The following EXOC6B variants were observed in gnomAD, a reference collection of about 807,000 sequenced individuals.
The protein encoded by EXOC6B is SEC15 homolog B.
Under a neutral mutation model 113.5 loss-of-function variants are expected in EXOC6B, and 54 were observed. The observed-to-expected ratio is 0.48, with a 90% CI of 0.38 to 0.60. EXOC6B has a LOEUF of 0.60. EXOC6B is among the 20% of genes least tolerant of loss of function. The probability of loss-of-function intolerance (pLI) is 0.00; values close to 1 mark genes in which losing one functional copy is unlikely to be tolerated. For synonymous variants in EXOC6B, 357 were observed against 339.0 expected (o/e 1.05, Z -0.58); for missense variants, 797 against 977.5 (o/e 0.82, Z 2.46).
At chr2:72,579,496 T>A (rs1705070149) in intron 6 of EXOC6B, among the ~76,000 whole-genome samples, 1 of 152,152 alleles carries the variant, frequency 6.6e-6, no homozygotes, top group Non-Finnish European at 1.5e-5. Context: ...TTTGGCCCAA[T>A]AAAAACTTAT....
chr2:72,736,593 G>A (rs1185747366), intron 2 of EXOC6B, among the ~76,000 whole-genome samples: 1 of 152,130 alleles, frequency 6.6e-6, no homozygotes, highest in Non-Finnish European at 1.5e-5. Context: ...TCAGCAAGTT[G>A]AAGGAATTTG....
intron 11 of EXOC6B, among the ~76,000 whole-genome samples, chr2:72,506,558 T>A (rs1700607743): frequency 6.6e-6 from 1 of 152,166 alleles, no homozygotes; most frequent in East Asian, 1.9e-4. Context: ...TTCCTTACTA[T>A]CCTTATTAAG....
intron 11 of EXOC6B, 115 bp downstream of exon 11, chr2:72,513,017 A>C (rs930086088): frequency 1.6e-6 from 2 of 1,229,930 alleles, no homozygotes. Flanking sequence ...AAGGACATCT[A>C]TAGCTCCAAG....
intron 8 of EXOC6B, among the ~76,000 whole-genome samples, chr2:72,536,406 G>C (rs539892198): frequency 1.3e-5 from 2 of 152,148 alleles, no homozygotes; most frequent in East Asian, 3.9e-4. Flanking sequence ...TACCATATTT[G>C]AATATTGTTT....
At chr2:72,327,656 T>G (rs1465620661) in intron 20 of EXOC6B, among the ~76,000 whole-genome samples, 1 of 152,118 alleles carries the variant, frequency 6.6e-6, no homozygotes, top group Non-Finnish European at 1.5e-5. Context: ...GGTCCTGGTC[T>G]GCCAAATATG....
chr2:72,753,761 A>C (rs1682210702), intron 1 of EXOC6B, among the ~76,000 whole-genome samples: 1 of 152,060 alleles, frequency 6.6e-6, no homozygotes, highest in African/African-American at 2.4e-5. Flanking sequence ...ACTCTACTTG[A>C]AGTTCCTTGA....
intron 6 of EXOC6B, among the ~76,000 whole-genome samples, chr2:72,661,094 C>G (rs1477311911): frequency 1.3e-5 from 2 of 151,850 alleles, no homozygotes; most frequent in African/African-American, 2.4e-5. Flanking sequence ...ACCTTTCTCC[C>G]CACTCTGGAG....
intron 21 of EXOC6B, among the ~76,000 whole-genome samples, chr2:72,180,873 C>T (rs534057206): frequency 1.3e-5 from 2 of 152,320 alleles, no homozygotes; most frequent in South Asian, 4.1e-4. Context: ...ATGAGCACCA[C>T]AGCTGTATGG....
chr2:72,303,002 A>G (rs558426586), intron 20 of EXOC6B, among the ~76,000 whole-genome samples: 1 of 152,270 alleles, frequency 6.6e-6, no homozygotes, highest in East Asian at 1.9e-4. Flanking sequence ...GATCTCTTAT[A>G]AAGTGGGTCT....
chr2:72,794,299 A>G (rs958766621), intron 1 of EXOC6B, among the ~76,000 whole-genome samples: 1 of 152,174 alleles, frequency 6.6e-6, no homozygotes, highest in African/African-American at 2.4e-5. Context: ...GGATCTCTTA[A>G]CACAGTATCA....
intron 5 of EXOC6B, among the ~76,000 whole-genome samples, chr2:72,724,392 G>A (rs936310703): frequency 6.6e-6 from 1 of 152,084 alleles, no homozygotes; most frequent in Non-Finnish European, 1.5e-5. Context: ...TGGAATAAAG[G>A]TGGGCCTTTA....
intron 6 of EXOC6B, among the ~76,000 whole-genome samples, chr2:72,707,186 T>C (rs752813027): frequency 3.3e-5 from 5 of 152,208 alleles, no homozygotes; most frequent in Non-Finnish European, 5.9e-5. Flanking sequence ...TTGGTGTTTT[T>C]AGCTACTAAG....
intron 1 of EXOC6B, among the ~76,000 whole-genome samples, chr2:72,741,791 T>C (rs923364754): frequency 6.6e-6 from 1 of 152,144 alleles, no homozygotes; most frequent in African/African-American, 2.4e-5. Flanking sequence ...AATTCAACTA[T>C]CCAATTGCTC....
At chr2:72,640,967 T>TA (rs1320517556) in intron 6 of EXOC6B, among the ~76,000 whole-genome samples, 26 of 152,334 alleles carry the variant, frequency 1.7e-4, no homozygotes, top group African/African-American at 6.3e-4. Context: ...GCCAGATTCA[T>TA]AAAGCAAGTG....
chr2:72,266,978 T>A (rs1366338563), intron 20 of EXOC6B, among the ~76,000 whole-genome samples: 1 of 152,176 alleles, frequency 6.6e-6, no homozygotes, highest in African/African-American at 2.4e-5. Flanking sequence ...TCACGTCCCT[T>A]TTAAGTTGGA....
intron 8 of EXOC6B, among the ~76,000 whole-genome samples, chr2:72,522,057 G>T (rs1701518391): frequency 6.6e-6 from 1 of 152,042 alleles, no homozygotes; most frequent in South Asian, 2.1e-4. Context: ...AAATACTAAA[G>T]ACTGTATTAT....
chr2:72,201,793 TCTG>T (rs1679509850), intron 20 of EXOC6B, among the ~76,000 whole-genome samples: 1 of 152,234 alleles, frequency 6.6e-6, no homozygotes, highest in Admixed American at 6.5e-5. Flanking sequence ...AGGAACAGGC[TCTG>T]CTTCCATAGT....
intron 6 of EXOC6B, among the ~76,000 whole-genome samples, chr2:72,615,328 T>C (rs534341823): frequency 1.3e-5 from 2 of 152,102 alleles, no homozygotes; most frequent in Non-Finnish European, 2.9e-5. Flanking sequence ...TTACTATTTC[T>C]CATTTCTAGG....
At chr2:72,702,863 T>G (rs1288646577) in intron 6 of EXOC6B, among the ~76,000 whole-genome samples, 1 of 148,792 alleles carries the variant, frequency 6.7e-6, no homozygotes, top group African/African-American at 2.5e-5. Context: ...TTTCTCCCAT[T>G]TTGTAGGTTG....
Sources: gnomAD v4.1 joint callset for allele counts (sites outside exome capture counted in the v4.1 genomes callset) on GRCh38, gnomAD v4.1.1 for gene constraint, MANE v1.5 for transcripts, NCBI Gene and HGNC (gene_info 2026-07-23, HGNC 2026-07-21) for gene names.